Variants in CDH19 observed in about 807,000 individuals in gnomAD.
CDH19 encodes cadherin 19.
Under a neutral mutation model 64.2 loss-of-function variants are expected in CDH19, and 67 were observed. The observed-to-expected ratio is 1.04, with a 90% confidence interval of 0.86 to 1.28. CDH19 has a LOEUF of 1.28. Ranked by LOEUF, CDH19 falls within the 50% of genes most tolerant of loss-of-function variation. The pLI is 0.00. For missense variants in CDH19, 1,030 were observed against 929.0 expected (o/e 1.11, Z -1.41); for synonymous variants, 346 against 319.3 (o/e 1.08, Z -0.89).
At chr18:66,521,265 C>T (rs1482435503) in intron 9 of CDH19, among the ~76,000 whole-genome samples, 1 of 152,008 alleles carries the variant, frequency 6.6e-6, no homozygotes, top group Non-Finnish European at 1.5e-5. Context: ...GTACTCTTAC[C>T]TGGTTAAAAC....
At chr18:66,561,173 A>G (rs139273952) in intron 3 of CDH19, among the ~76,000 whole-genome samples, 71 of 152,236 alleles carry the variant, frequency 4.7e-4, no homozygotes, top group African/African-American at 1.6e-3. Flanking sequence ...ACTCCATGGA[A>G]GAAGCTACAA....
At chr18:66,585,977 A>T (rs1386557192) in intron 1 of CDH19, among the ~76,000 whole-genome samples, 1 of 152,134 alleles carries the variant, frequency 6.6e-6, no homozygotes, top group Non-Finnish European at 1.5e-5. Flanking sequence ...GAAAAATATT[A>T]TAATCTATGC....
intron 1 of CDH19, among the ~76,000 whole-genome samples, chr18:66,602,305 G>A (rs1989056123): frequency 6.6e-6 from 1 of 151,914 alleles, no homozygotes; most frequent in Non-Finnish European, 1.5e-5. Context: ...AAAATGATCA[G>A]TTGATATTTA....
chr18:66,596,716 T>C (rs1057021243), intron 1 of CDH19, among the ~76,000 whole-genome samples: 9 of 152,064 alleles, frequency 5.9e-5, no homozygotes, highest in African/African-American at 1.7e-4. Context: ...AAAATGACCA[T>C]AATCCTCAAG....
At chr18:66,524,640 T>A (rs1466102542) in intron 9 of CDH19, among the ~76,000 whole-genome samples, 3 of 150,116 alleles carry the variant, frequency 2.0e-5, no homozygotes, top group Non-Finnish European at 3.0e-5. Flanking sequence ...AAAATAAAAA[T>A]AAAGAGTACT....
intron 4 of CDH19, among the ~76,000 whole-genome samples, chr18:66,551,603 A>G (rs1334056201): frequency 6.6e-6 from 1 of 151,998 alleles, no homozygotes; most frequent in African/African-American, 2.4e-5. Context: ...TTTGTCCCCG[A>G]AACTCTGAAG....
chr18:66,576,370 GA>G (rs1305675305), intron 1 of CDH19, among the ~76,000 whole-genome samples: 1 of 151,284 alleles, frequency 6.6e-6, no homozygotes, highest in Admixed American at 6.6e-5. Flanking sequence ...CTAGTCAAAA[GA>G]AAGCTACAAT....
intron 5 of CDH19, among the ~76,000 whole-genome samples, chr18:66,546,723 G>A (rs1028224130): frequency 5.3e-5 from 8 of 152,058 alleles, no homozygotes; most frequent in African/African-American, 1.9e-4. Context: ...AAGATAAGGT[G>A]TAAAGTATTC....
At chr18:66,581,048 G>A (rs1020760882) in intron 1 of CDH19, among the ~76,000 whole-genome samples, 1 of 152,030 alleles carries the variant, frequency 6.6e-6, no homozygotes, top group Non-Finnish European at 1.5e-5. Flanking sequence ...ATTTTGCCCT[G>A]CATTTCCAAT....
At chr18:66,586,043 C>A (rs574776597) in intron 1 of CDH19, among the ~76,000 whole-genome samples, 1 of 152,050 alleles carries the variant, frequency 6.6e-6, no homozygotes, top group Non-Finnish European at 1.5e-5. Context: ...ATGACCTCTT[C>A]TTGGTTACAT....
chr18:66,507,955 C>T (rs1227275106), intron 11 of CDH19, among the ~76,000 whole-genome samples: 1 of 151,826 alleles, frequency 6.6e-6, no homozygotes. Context: ...TTCATTACAG[C>T]ATTATTCATG....
intron 9 of CDH19, among the ~76,000 whole-genome samples, chr18:66,522,475 C>G (rs1213238564): frequency 6.6e-6 from 1 of 151,990 alleles, no homozygotes; most frequent in Non-Finnish European, 1.5e-5. Context: ...GTTTCGAACC[C>G]CTGACCTCAG....
At chr18:66,590,180 A>AT (rs1352507314) in intron 1 of CDH19, among the ~76,000 whole-genome samples, 2 of 151,532 alleles carry the variant, frequency 1.3e-5, no homozygotes, top group Non-Finnish European at 3.0e-5. Context: ...TGAGCTGGGT[A>AT]TTTTTTTTAA....
At position 66,509,026 on chromosome 18, in the gene CDH19, A is replaced by C. The variant is rs752606398; in HGVS notation, c.1797T>G (p.Ile599Met). ...LSMGFKTEVI[I>M]AILICIMIIF... The stretch of plus-strand genomic sequence containing the variant: ...TGATCATAATGCAAATGAGAATAGC[A>C]ATGATGACTTCTGTCTTGAATCCCA... The change falls in exon 11 of 12, where the codon ATT (isoleucine) becomes ATG (methionine). Residue 599 changes from isoleucine (I) to methionine (M), a missense_variant. Physicochemically the swap from Ile to Met is conservative, Grantham distance 10. Coordinates refer to ENST00000262150, the MANE Select transcript of CDH19 (RefSeq NM_021153.4). 5.0e-6 allele frequency: 8 copies of C among 1,612,140 alleles called. No individual in the cohort carries two copies. Among genetic ancestry groups the C allele is most frequent in the Non-Finnish European group, 6.8e-6 (8 of 1,178,676 alleles).
intron 1 of CDH19, among the ~76,000 whole-genome samples, chr18:66,585,060 G>A (rs1988536587): frequency 6.6e-6 from 1 of 151,842 alleles, no homozygotes; most frequent in South Asian, 2.1e-4. Context: ...TTGAACAAAC[G>A]ACCAACCGTT....
At chr18:66,508,743 G>A (rs1457952185) in intron 11 of CDH19, among the ~76,000 whole-genome samples, 1 of 41,276 alleles carries the variant, frequency 2.4e-5, no homozygotes, top group Non-Finnish European at 4.8e-5. Flanking sequence ...TGCATAAACA[G>A]ATGTGTACAT....
At chr18:66,597,456 A>G (rs1988930568) in intron 1 of CDH19, among the ~76,000 whole-genome samples, 1 of 152,120 alleles carries the variant, frequency 6.6e-6, no homozygotes. Context: ...AAAAATCAGT[A>G]CAGATTAAAT....
chr18:66,563,205 AT>A (rs1568199472), intron 3 of CDH19, among the ~76,000 whole-genome samples: 1 of 152,038 alleles, frequency 6.6e-6, no homozygotes, highest in Admixed American at 6.6e-5. Context: ...TAAAGCTTAC[AT>A]TTATTATGGA....
At chr18:66,566,858 G>T (rs963025493) in intron 3 of CDH19, among the ~76,000 whole-genome samples, 12 of 151,810 alleles carry the variant, frequency 7.9e-5, no homozygotes, top group Non-Finnish European at 8.8e-5. Context: ...CTCTGCCAAA[G>T]GGATCTCATT....
Sources: gnomAD v4.1 joint callset for allele counts (sites outside exome capture counted in the v4.1 genomes callset) on GRCh38, gnomAD v4.1.1 for gene constraint, MANE v1.5 for transcripts, NCBI Gene and HGNC (gene_info 2026-07-23, HGNC 2026-07-21) for gene names.